The following ADAM12 variants were observed in gnomAD, a reference collection of about 807,000 sequenced individuals.
ADAM12 encodes ADAM metallopeptidase domain 12.
Under a neutral mutation model 106.4 loss-of-function variants are expected in ADAM12, and 70 were observed. The ratio of observed to expected loss-of-function variants is 0.66; its 90% CI spans 0.54 to 0.80. The LOEUF is 0.80. ADAM12 is among the 30% of genes least tolerant of loss of function. The pLI is 0.00. For missense variants in ADAM12, 1,010 were observed against 1,171.9 expected (o/e 0.86, Z 2.02); for synonymous variants, 420 against 433.5 (o/e 0.97, Z 0.39).
intron 2 of ADAM12, among the ~76,000 whole-genome samples, chr10:126,330,174 T>C (rs1056441046): frequency 8.5e-5 from 13 of 152,226 alleles, no homozygotes; most frequent in Admixed American, 2.6e-4. Flanking sequence ...CTGTAACCCC[T>C]GGTTTTTGTT....
At chr10:126,342,314 C>T (rs1417804844) in intron 1 of ADAM12, among the ~76,000 whole-genome samples, 2 of 152,272 alleles carry the variant, frequency 1.3e-5, no homozygotes, top group East Asian at 3.9e-4. Context: ...TGACTTTGGC[C>T]ATTGAATTTG....
intron 1 of ADAM12, among the ~76,000 whole-genome samples, chr10:126,344,836 G>A (rs867903417): frequency 9.2e-5 from 14 of 152,244 alleles, no homozygotes; most frequent in African/African-American, 3.1e-4. Flanking sequence ...TCTGTTATTG[G>A]TGTATAAGAA....
At chr10:126,242,075 T>C (rs1334554335) in intron 3 of ADAM12, among the ~76,000 whole-genome samples, 2 of 152,162 alleles carry the variant, frequency 1.3e-5, no homozygotes, top group Non-Finnish European at 2.9e-5. Flanking sequence ...AATTTATGCT[T>C]GCAAAGCTAT....
chr10:126,132,536 T>TGA (rs1956326574), intron 5 of ADAM12, among the ~76,000 whole-genome samples: 1 of 91,088 alleles, frequency 1.1e-5, no homozygotes. Context: ...CCCCCCCCCC[T>TGA]CAACTAGTCC....
chr10:126,139,742 C>G (rs538827917), intron 4 of ADAM12, among the ~76,000 whole-genome samples: 3 of 151,930 alleles, frequency 2.0e-5, no homozygotes, highest in African/African-American at 4.8e-5. Flanking sequence ...TGTTCCTCCC[C>G]CAGAGAAGCT....
At chr10:126,316,584 C>T (rs558695437) in intron 2 of ADAM12, among the ~76,000 whole-genome samples, 1 of 151,818 alleles carries the variant, frequency 6.6e-6, no homozygotes, top group African/African-American at 2.4e-5. Context: ...TGGTTGGGCA[C>T]GGTGGTTCAT....
rs1199816278 is a variant in ADAM12 at position 126,050,855 on chromosome 10, TC to T, written c.1610-1187del. On this transcript the variant is annotated intron_variant, in intron 14 of 22. Coordinates refer to ENST00000448723, the MANE Select transcript of ADAM12 (RefSeq NM_001288973.2). ...CTCTGCAATGAGCCAGCCTTGCACCTCTCCTTTTCTCATTTCTTTTATAAGC... is the reference window on the plus strand; with the variant it reads ...CTCTGCAATGAGCCAGCCTTGCACCTTCCTTTTCTCATTTCTTTTATAAGC... 3.3e-5 allele frequency among the ~76,000 whole-genome samples: 5 copies of T among 152,294 alleles called. No homozygotes were observed. The East Asian group carries it at 7.7e-4, about 24-fold the overall frequency.
chr10:126,257,832 C>T (rs548592991), intron 3 of ADAM12, among the ~76,000 whole-genome samples: 3 of 152,256 alleles, frequency 2.0e-5, no homozygotes, highest in East Asian at 1.9e-4. Flanking sequence ...GGCTCAGCAG[C>T]GCAAATGACT....
At chr10:126,177,450 C>T (rs938793706) in intron 3 of ADAM12, among the ~76,000 whole-genome samples, 2 of 152,086 alleles carry the variant, frequency 1.3e-5, no homozygotes, top group African/African-American at 4.8e-5. Context: ...TTTTGTGGAA[C>T]AGACAACTAA....
intron 9 of ADAM12, 104 bp from the exon 10 acceptor site, chr10:126,098,604 TA>T: frequency 1.0e-6 from 1 of 974,040 alleles, no homozygotes; most frequent in Non-Finnish European, 1.6e-6. Context: ...TACGCAAAAA[TA>T]AAAATAGCTG....
At chr10:126,208,682 C>G (rs909824337) in intron 3 of ADAM12, among the ~76,000 whole-genome samples, 2 of 152,082 alleles carry the variant, frequency 1.3e-5, no homozygotes, top group Admixed American at 1.3e-4. Context: ...AGAATGGAAA[C>G]TCACAAGACA....
chr10:126,242,623 C>A (rs1958548829), intron 3 of ADAM12, among the ~76,000 whole-genome samples: 4 of 152,196 alleles, frequency 2.6e-5, no homozygotes, highest in Non-Finnish European at 5.9e-5. Flanking sequence ...CTGACACAGG[C>A]TGAGCAAACC....
chr10:126,210,461 A>G (rs1590624989), intron 3 of ADAM12, among the ~76,000 whole-genome samples: 1 of 152,326 alleles, frequency 6.6e-6, no homozygotes, highest in Middle Eastern at 3.4e-3. Context: ...CAATGACCAC[A>G]CAGCATGTCA....
At chr10:126,281,008 C>T (rs908633374) in intron 2 of ADAM12, among the ~76,000 whole-genome samples, 2 of 152,066 alleles carry the variant, frequency 1.3e-5, no homozygotes, top group African/African-American at 4.8e-5. Flanking sequence ...GTTCTTATGC[C>T]CTTACAGGTA....
chr10:126,177,069 C>CAT (rs1286459179), intron 3 of ADAM12, among the ~76,000 whole-genome samples: 2 of 151,934 alleles, frequency 1.3e-5, no homozygotes, highest in Admixed American at 6.5e-5. Flanking sequence ...CACACACACA[C>CAT]GGTTTCCTGG....
chr10:126,034,523 G>GAACA (rs1333568762), intron 21 of ADAM12, among the ~76,000 whole-genome samples: 2 of 152,030 alleles, frequency 1.3e-5, no homozygotes, highest in Non-Finnish European at 2.9e-5. Context: ...AAACCAGAGA[G>GAACA]AACAAACAGA....
intron 11 of ADAM12, among the ~76,000 whole-genome samples, chr10:126,079,285 C>A (rs943496746): frequency 6.6e-6 from 1 of 152,116 alleles, no homozygotes; most frequent in Non-Finnish European, 1.5e-5. Flanking sequence ...AACTTCCCCC[C>A]ACCCCTCAAA....
chr10:126,131,390 A>C (rs1449893685), intron 5 of ADAM12, among the ~76,000 whole-genome samples: 1 of 151,842 alleles, frequency 6.6e-6, no homozygotes, highest in Non-Finnish European at 1.5e-5. Flanking sequence ...TTGCTTTTTG[A>C]GCATGGAAGC....
At chr10:126,186,017 C>T (rs141588560) in intron 3 of ADAM12, among the ~76,000 whole-genome samples, 299 of 152,268 alleles carry the variant, frequency 2.0e-3, no homozygotes, top group African/African-American at 6.7e-3. Context: ...GACCTCTATC[C>T]GGAATGACAA....
Sources: allele counts gnomAD v4.1 joint callset (sites outside exome capture counted in the v4.1 genomes callset), GRCh38; gene constraint gnomAD v4.1.1; transcripts MANE v1.5; gene names NCBI Gene and HGNC (gene_info 2026-07-23, HGNC 2026-07-21).